GSE1: variants seen among roughly 807,000 people sequenced by gnomAD.
GSE1 encodes Gse1 coiled-coil protein, also known as genetic suppressor element 1.
In GSE1, 32 loss-of-function variants were observed where a neutral mutation model predicts 112.6. That is an observed-to-expected ratio of 0.28 (90% CI 0.21 to 0.38). The LOEUF is 0.38. GSE1 is among the 10% of genes least tolerant of loss of function. The pLI is 1.00. For synonymous variants in GSE1, 1,115 were observed against 735.6 expected, an observed-to-expected ratio of 1.52 and a Z score of -8.35; for missense variants, 2,348 against 1,699.2, an observed-to-expected ratio of 1.38 and a Z score of -6.71.
At chr16:85,219,746 C>G (rs2143735092) in intron 1 of GSE1, among the ~76,000 whole-genome samples, 1 of 152,350 alleles carries the variant, frequency 6.6e-6, no homozygotes, top group African/African-American at 2.4e-5. Context: ...TGGAGCCCCT[C>G]CTTCCCCCTT....
chr16:85,525,422 C>G (rs1389340483), intron 2 of GSE1, among the ~76,000 whole-genome samples: 1 of 152,208 alleles, frequency 6.6e-6, no homozygotes, highest in African/African-American at 2.4e-5. Context: ...TTGGGGAAAT[C>G]CAGGATGCTG....
intron 2 of GSE1, among the ~76,000 whole-genome samples, chr16:85,411,794 G>C (rs1597668618): frequency 9.4e-5 from 1 of 10,674 alleles, no homozygotes; most frequent in East Asian, 1.5e-3. Flanking sequence ...AATCCTCACT[G>C]TTACACTCAG....
chr16:85,586,361 C>T (rs1179316123), intron 1 of GSE1, among the ~76,000 whole-genome samples: 1 of 152,252 alleles, frequency 6.6e-6, no homozygotes, highest in Non-Finnish European at 1.5e-5. Context: ...GCCTGGATGC[C>T]TTTGTCCGTG....
chr16:85,309,770 G>C (rs796361341), intron 1 of GSE1, among the ~76,000 whole-genome samples: 22 of 152,352 alleles, frequency 1.4e-4, no homozygotes, highest in African/African-American at 5.0e-4. Flanking sequence ...GCTGAGCCCT[G>C]GGTCTGGGCC....
intron 3 of GSE1, among the ~76,000 whole-genome samples, chr16:85,653,466 G>A (rs1485910628): frequency 6.6e-6 from 1 of 150,712 alleles, no homozygotes; most frequent in Non-Finnish European, 1.5e-5. Flanking sequence ...AGGGACCTCA[G>A]CCCGGAAGGT....
chr16:85,554,470 C>T (rs1214069596), upstream of GSE1, among the ~76,000 whole-genome samples: 1 of 152,138 alleles, frequency 6.6e-6, no homozygotes, highest in Non-Finnish European at 1.5e-5. Context: ...TGCCTGGAAG[C>T]ATGCCTTCCC....
intron 1 of GSE1, among the ~76,000 whole-genome samples, chr16:85,559,702 A>G (rs545776819): frequency 1.3e-4 from 20 of 152,276 alleles, no homozygotes; most frequent in Admixed American, 5.2e-4. Flanking sequence ...GATACTCTCA[A>G]TTGAGTCTGT....
At chr16:85,601,959 T>C (rs1216773212) in intron 1 of GSE1, among the ~76,000 whole-genome samples, 1 of 152,332 alleles carries the variant, frequency 6.6e-6, no homozygotes, top group East Asian at 1.9e-4. Context: ...CAGTAGGTTA[T>C]TAATCAAGAC....
At chr16:85,312,851 C>A (rs572032384) in intron 1 of GSE1, among the ~76,000 whole-genome samples, 1 of 152,024 alleles carries the variant, frequency 6.6e-6, no homozygotes, top group African/African-American at 2.4e-5. Flanking sequence ...AGGGGAGTAG[C>A]TGAAGTGTCC....
At chr16:85,625,915 C>A (rs560150910) in intron 1 of GSE1, among the ~76,000 whole-genome samples, 1 of 152,154 alleles carries the variant, frequency 6.6e-6, no homozygotes, top group Non-Finnish European at 1.5e-5. Context: ...CTGTGTTGCT[C>A]TTTCCTCCTG....
intron 1 of GSE1, among the ~76,000 whole-genome samples, chr16:85,341,163 A>T (rs75103254): frequency 6.6e-6 from 1 of 151,982 alleles, no homozygotes; most frequent in African/African-American, 2.4e-5. Flanking sequence ...AGAACATGCG[A>T]GTTTTTCTAA....
chr16:85,218,568 A>G lies in GSE1; in HGVS notation c.2283+46761A>G, dbSNP rs115709240. Among the ~76,000 whole-genome samples the G allele has an allele frequency of 5.0e-3, 769 of 152,340 alleles. 6 individuals carry two copies. The highest frequency in any genetic ancestry group is 0.017 in the African/African-American group (725 of 41,578). On this transcript the variant is annotated intron_variant, in intron 1 of 2. Coordinates refer to the GSE1 transcript ENST00000637419. ...ACCTGGGTTTGAGCTCAACTCTGCC[A>G]CTTGCTACCTGTGTGACCTCCCAAA...
chr16:85,278,543 A>G (rs151126005), intron 1 of GSE1, among the ~76,000 whole-genome samples: 2 of 152,230 alleles, frequency 1.3e-5, no homozygotes, highest in Admixed American at 1.3e-4. Flanking sequence ...CAGATTTTTC[A>G]GGGGTATATT....
At chr16:85,430,262 A>T (rs904117385) in intron 2 of GSE1, among the ~76,000 whole-genome samples, 2 of 152,240 alleles carry the variant, frequency 1.3e-5, no homozygotes, top group African/African-American at 4.8e-5. Flanking sequence ...GGATGAGGCC[A>T]GCCCCAGAAG....
intron 1 of GSE1, among the ~76,000 whole-genome samples, chr16:85,230,631 T>G (rs1446411209): frequency 6.6e-6 from 1 of 152,130 alleles, no homozygotes; most frequent in Admixed American, 6.6e-5. Context: ...TAGGCTGACG[T>G]CTAGTGATCC....
intron 1 of GSE1, among the ~76,000 whole-genome samples, chr16:85,301,559 A>G (rs1003279450): frequency 1.3e-5 from 2 of 152,230 alleles, no homozygotes; most frequent in African/African-American, 4.8e-5. Context: ...CCGCCAAAGG[A>G]AAGTTGCTGG....
intron 1 of GSE1, among the ~76,000 whole-genome samples, chr16:85,258,517 GTGGC>G (rs1272380363): frequency 6.6e-6 from 1 of 152,210 alleles, no homozygotes; most frequent in Non-Finnish European, 1.5e-5. Context: ...CTGCGGCCCC[GTGGC>G]CACTGCTCCT....
chr16:85,473,553 C>T (rs1262359422), intron 2 of GSE1, among the ~76,000 whole-genome samples: 1 of 152,220 alleles, frequency 6.6e-6, no homozygotes, highest in Non-Finnish European at 1.5e-5. Context: ...TGCCACGGTC[C>T]TTGGCTTGTG....
At chr16:85,184,000 C>A (rs925274052) in intron 1 of GSE1, among the ~76,000 whole-genome samples, 2 of 152,196 alleles carry the variant, frequency 1.3e-5, no homozygotes, top group African/African-American at 4.8e-5. Context: ...GTTTCTGTGG[C>A]CTTACTTATC....
Sources: allele counts gnomAD v4.1 joint callset (sites outside exome capture counted in the v4.1 genomes callset), GRCh38; gene constraint gnomAD v4.1.1; transcripts MANE v1.5; gene names NCBI Gene and HGNC (gene_info 2026-07-23, HGNC 2026-07-21).